Variants in GAPVD1 observed in about 807,000 individuals in gnomAD.
GAPVD1 encodes the protein GTPase activating protein and VPS9 domains 1.
Under a neutral mutation model 155.5 loss-of-function variants are expected in GAPVD1, and 35 were observed. The ratio of observed to expected loss-of-function variants is 0.23; its 90% confidence interval spans 0.17 to 0.30. The LOEUF is 0.30. Among genes scored for constraint, GAPVD1 ranks in the 10% least tolerant of loss-of-function variants. GAPVD1 has a pLI of 1.00. For missense variants in GAPVD1, 1,429 were observed against 1,775.7 expected (o/e 0.80, Z 3.51); for synonymous variants, 636 against 619.7 (o/e 1.03, Z -0.39).
intron 1 of GAPVD1, among the ~76,000 whole-genome samples, chr9:125,262,285 C>G (rs1192977345): frequency 6.6e-6 from 1 of 152,084 alleles, no homozygotes; most frequent in African/African-American, 2.4e-5. Flanking sequence ...AGAGGCCCGG[C>G]AGGTAGGGAA....
chr9:125,294,150 C>T (rs1051787772), intron 2 of GAPVD1, among the ~76,000 whole-genome samples: 1 of 151,448 alleles, frequency 6.6e-6, no homozygotes, highest in African/African-American at 2.4e-5. Context: ...TCGTGATCCG[C>T]CCACCTCGGC....
At chr9:125,278,229 G>A (rs1836131988) in intron 2 of GAPVD1, among the ~76,000 whole-genome samples, 1 of 152,148 alleles carries the variant, frequency 6.6e-6, no homozygotes, top group African/African-American at 2.4e-5. Flanking sequence ...AATTTAAAAT[G>A]CTCACATTAG....
intron 2 of GAPVD1, among the ~76,000 whole-genome samples, chr9:125,288,359 C>T (rs1838053360): frequency 6.6e-6 from 1 of 152,160 alleles, no homozygotes; most frequent in Non-Finnish European, 1.5e-5. Flanking sequence ...ATCCACCCGC[C>T]TCAGCCTCCC....
At chr9:125,271,801 T>G (rs78464967) in intron 2 of GAPVD1, among the ~76,000 whole-genome samples, 5,402 of 152,236 alleles carry the variant, frequency 0.035, 273 homozygotes, top group East Asian at 0.26. Flanking sequence ...TCCACCTGCC[T>G]CGAGTGCTGG....
At chr9:125,265,162 A>G (rs1267296931) in intron 1 of GAPVD1, among the ~76,000 whole-genome samples, 1 of 152,204 alleles carries the variant, frequency 6.6e-6, no homozygotes, top group East Asian at 1.9e-4. Flanking sequence ...ATGAGGTAAT[A>G]AAAGGGAAAG....
intron 8 of GAPVD1, among the ~76,000 whole-genome samples, chr9:125,309,546 G>C (rs1209084009): frequency 6.6e-6 from 1 of 152,100 alleles, no homozygotes; most frequent in Admixed American, 6.6e-5. Flanking sequence ...TGTTGGCCAG[G>C]CTGGTCTTGA....
chr9:125,347,078 C>A, intron 20 of GAPVD1, 137 bp downstream of exon 20: 1 of 798,502 alleles, frequency 1.3e-6, no homozygotes, highest in Admixed American at 2.5e-5. Context: ...ACTGCCTAAA[C>A]AAATGTTTAA....
intron 1 of GAPVD1, among the ~76,000 whole-genome samples, chr9:125,267,907 G>A (rs1834233389): frequency 6.6e-6 from 1 of 151,980 alleles, no homozygotes. Context: ...TCACACCTGT[G>A]ATCCCTGCAT....
chr9:125,309,739 GT>G (rs1266787911), intron 8 of GAPVD1, among the ~76,000 whole-genome samples: 2 of 152,130 alleles, frequency 1.3e-5, no homozygotes, highest in African/African-American at 4.8e-5. Context: ...CTATACATTA[GT>G]TTTTTCATTT....
chr9:125,359,580 G>A, intron 26 of GAPVD1, 88 bp downstream of exon 26: 1 of 722,488 alleles, frequency 1.4e-6, no homozygotes, highest in Non-Finnish European at 2.5e-6. Context: ...TCAAGGAACT[G>A]AAATGTGATA....
intron 2 of GAPVD1, among the ~76,000 whole-genome samples, chr9:125,274,226 G>C (rs1481341748): frequency 6.6e-6 from 1 of 151,634 alleles, no homozygotes; most frequent in Admixed American, 6.6e-5. Context: ...CCATGTTGGC[G>C]AGCCTGGTCT....
At chr9:125,296,146 A>G (rs1177662975) in intron 3 of GAPVD1, among the ~76,000 whole-genome samples, 3 of 151,534 alleles carry the variant, frequency 2.0e-5, no homozygotes, top group African/African-American at 7.3e-5. Context: ...ACCATGTACA[A>G]GTTGCAGACA....
At chr9:125,328,373 T>G (rs1185062417) in intron 12 of GAPVD1, among the ~76,000 whole-genome samples, 6 of 133,944 alleles carry the variant, frequency 4.5e-5, no homozygotes, top group Admixed American at 7.5e-5. Flanking sequence ...GTGTCCCTGA[T>G]TACTTGAGAT....
At chr9:125,346,131 G>A (rs998619100) in intron 19 of GAPVD1, 15 of 152,466 alleles carry the variant, frequency 9.8e-5, no homozygotes, top group African/African-American at 3.4e-4. Flanking sequence ...TAATGGTCCT[G>A]TCAGTAAACA....
At chr9:125,316,312 A>G (rs910295542) in intron 9 of GAPVD1, among the ~76,000 whole-genome samples, 3 of 152,074 alleles carry the variant, frequency 2.0e-5, no homozygotes, top group Admixed American at 6.6e-5. Context: ...ATTTCTCCTA[A>G]TGATATCCCT....
chr9:125,281,026 A>G (rs1836706817), intron 2 of GAPVD1, among the ~76,000 whole-genome samples: 1 of 152,190 alleles, frequency 6.6e-6, no homozygotes. Context: ...ATAGCTATGG[A>G]AATTTTGTTT....
Position 125,300,027 on chromosome 9 carries a change from A to AG in GAPVD1, c.185+921_185+922insG, listed in dbSNP as rs1840534950. 2.9e-4 allele frequency among the ~76,000 whole-genome samples: 2 copies of AG among 6,814 alleles called. 1 individual carries two copies. The highest frequency in any genetic ancestry group is 6.3e-4 in the Non-Finnish European group (2 of 3,160). 4.5% of individuals were successfully genotyped at this position (6,814 alleles called of 152,430 possible). A position where few individuals can be genotyped will look rare whatever the true frequency, so the allele number is the denominator to read the frequency against. The stretch of plus-strand genomic sequence containing the variant: ...GAGTGAGACTCTGTCTCAAAAGAAA[A>AG]AAAAAAAAAAAATATATATATATAT... On this transcript the variant is annotated intron_variant, in intron 4 of 27. Coordinates refer to ENST00000297933, the MANE Select transcript of GAPVD1 (RefSeq NM_001282680.3).
chr9:125,327,563 G>A (rs1234967348), intron 12 of GAPVD1, among the ~76,000 whole-genome samples: 3 of 151,980 alleles, frequency 2.0e-5, no homozygotes, highest in Non-Finnish European at 2.9e-5. Context: ...AGTTGCAGTG[G>A]TGCGATCTCA....
intron 9 of GAPVD1, among the ~76,000 whole-genome samples, chr9:125,314,218 A>C (rs1843058283): frequency 6.6e-6 from 1 of 152,234 alleles, no homozygotes; most frequent in Non-Finnish European, 1.5e-5. Flanking sequence ...ATGTATTTTG[A>C]GATACATGTT....
Sources: allele counts gnomAD v4.1 joint callset (sites outside exome capture counted in the v4.1 genomes callset), GRCh38; gene constraint gnomAD v4.1.1; transcripts MANE v1.5; gene names NCBI Gene and HGNC (gene_info 2026-07-23, HGNC 2026-07-21).